The following ALCAM variants were observed in gnomAD, a reference collection of about 807,000 sequenced individuals.
ALCAM encodes activated leukocyte cell adhesion molecule.
A neutral mutation model predicts 70.9 loss-of-function variants in ALCAM; 30 were observed. The observed-to-expected ratio is 0.42, with a 90% confidence interval of 0.32 to 0.57. ALCAM has a LOEUF of 0.57. Among genes scored for constraint, ALCAM ranks in the 20% least tolerant of loss-of-function variants. The pLI is 0.11. For synonymous variants in ALCAM, 249 were observed against 242.5 expected (o/e 1.03, Z -0.25); for missense variants, 591 against 695.1 (o/e 0.85, Z 1.68).
At chr3:105,528,886 G>A (rs538838393) in intron 3 of ALCAM, among the ~76,000 whole-genome samples, 78 of 152,242 alleles carry the variant, frequency 5.1e-4, no homozygotes, top group South Asian at 4.3e-3. Flanking sequence ...TAAAACAAAA[G>A]TATTACAAAC....
intron 1 of ALCAM, among the ~76,000 whole-genome samples, chr3:105,403,370 G>A (rs12638646): frequency 0.26 from 39,973 of 152,022 alleles, 5,484 homozygotes; most frequent in East Asian, 0.5. Context: ...TACCTTCACC[G>A]GAGCAGGCTG....
intron 1 of ALCAM, among the ~76,000 whole-genome samples, chr3:105,382,254 A>G (rs989397555): frequency 5.9e-5 from 9 of 151,866 alleles, no homozygotes; most frequent in Non-Finnish European, 8.8e-5. Context: ...CCATGTCCCT[A>G]CAAAGGACAT....
At position 105,467,898 on chromosome 3, in the gene ALCAM, A is replaced by G. The variant is rs551459773; in HGVS notation, c.74-52169A>G. Among the ~76,000 whole-genome samples, 3 of 151,100 alleles carry G rather than the reference A, an allele frequency of 2.0e-5. No individual in the cohort carries two copies. The South Asian group carries it at 6.2e-4, about 31-fold the overall frequency. ...AAGCACTTATAAAACTTCTTTCCTC[A>G]TTTTTCATTTCTCATGTTCAGTATT... On this transcript the variant is annotated intron_variant, in intron 1 of 15. Transcript: ENST00000306107.
At chr3:105,510,504 CT>C (rs1259455915) in intron 1 of ALCAM, among the ~76,000 whole-genome samples, 2 of 152,014 alleles carry the variant, frequency 1.3e-5, no homozygotes, top group Non-Finnish European at 2.9e-5. Context: ...TTCACAGAGA[CT>C]TTTTTCCCTA....
At chr3:105,563,756 C>T (rs2152634687) in intron 14 of ALCAM, among the ~76,000 whole-genome samples, 3 of 133,646 alleles carry the variant, frequency 2.2e-5, no homozygotes, top group Admixed American at 8.4e-5. Flanking sequence ...GGCGCAATCT[C>T]GGCTCACTGC....
At chr3:105,371,470 CTTAA>C (rs879380969) in intron 1 of ALCAM, among the ~76,000 whole-genome samples, 2 of 150,834 alleles carry the variant, frequency 1.3e-5, no homozygotes, top group South Asian at 2.1e-4. Flanking sequence ...ATTTATTCCA[CTTAA>C]TTATCACTTT....
In ALCAM at chr3:105,454,731, C is replaced by A. The variant is rs561673505; in HGVS notation, c.74-65336C>A. 4.8e-5 allele frequency among the ~76,000 whole-genome samples: 6 copies of A among 125,098 alleles called. No individual in the cohort carries two copies. The South Asian group carries it at 1.6e-3, about 33-fold the overall frequency. The allele number at this position is 125,098 out of a possible 152,430, so 82.1% of individuals were successfully genotyped here. A position where few individuals can be genotyped will look rare whatever the true frequency, so the allele number is the denominator to read the frequency against. ...GTCCCCAGGCTGGAGTGCAGTGGCG[C>A]GATCTCCGATCACTGCAACCTCTAC... is the stretch of plus-strand genomic sequence containing the variant. On this transcript the variant is annotated intron_variant, in intron 1 of 15. Transcript: ENST00000306107.
chr3:105,369,464 G>A (rs911252738), intron 1 of ALCAM, among the ~76,000 whole-genome samples: 10 of 152,148 alleles, frequency 6.6e-5, no homozygotes, highest in African/African-American at 2.4e-4. Context: ...TCAGATCCGT[G>A]GTTTCGGTGA....
intron 1 of ALCAM, among the ~76,000 whole-genome samples, chr3:105,412,764 C>T (rs1936421442): frequency 6.6e-6 from 1 of 151,934 alleles, no homozygotes; most frequent in South Asian, 2.1e-4. Context: ...TTGGAAAATA[C>T]TTGGAATATG....
intron 14 of ALCAM, among the ~76,000 whole-genome samples, chr3:105,559,248 A>C (rs576969970): frequency 8.1e-5 from 12 of 147,860 alleles, no homozygotes; most frequent in Non-Finnish European, 3.0e-5. Flanking sequence ...TACGTATAAC[A>C]TATATATACA....
At chr3:105,564,597 G>A (rs1447363660) in intron 14 of ALCAM, among the ~76,000 whole-genome samples, 1 of 152,042 alleles carries the variant, frequency 6.6e-6, no homozygotes. Context: ...TTTTAATTTT[G>A]TTTGCTAATT....
At chr3:105,420,757 A>G (rs919694178) in intron 1 of ALCAM, among the ~76,000 whole-genome samples, 3 of 151,598 alleles carry the variant, frequency 2.0e-5, no homozygotes, top group African/African-American at 4.8e-5. Flanking sequence ...GATGACAGGC[A>G]TATTTACACC....
chr3:105,545,556 G>A (rs1442346534), intron 9 of ALCAM, among the ~76,000 whole-genome samples: 1 of 151,220 alleles, frequency 6.6e-6, no homozygotes, highest in East Asian at 1.9e-4. Flanking sequence ...TTAGTTTGGG[G>A]TGTTATGTCA....
intron 1 of ALCAM, among the ~76,000 whole-genome samples, chr3:105,453,374 G>C (rs1480394125): frequency 3.3e-5 from 5 of 152,168 alleles, no homozygotes; most frequent in Non-Finnish European, 1.5e-5. Context: ...TTGAAGATTA[G>C]ATGGTTGTAG....
intron 4 of ALCAM, 97 bp from the exon 5 acceptor site, chr3:105,533,506 C>T: frequency 1.0e-6 from 1 of 961,304 alleles, no homozygotes; most frequent in Non-Finnish European, 1.6e-6. Flanking sequence ...GGTCAAGAAA[C>T]CCTTGGAATA....
Position 105,367,442 on chromosome 3 carries a change from C to T in ALCAM, c.34C>T (p.Leu12Phe), listed in dbSNP as rs1559766599. ...CAAGGGGGCCAGTTCCTGCCGTCTG[C>T]TCTTCTGCCTCTTGATCTCCGCCAC... ...ESKGASSCRLLFCLLISATVF... is the reference protein window; with the variant it reads ...ESKGASSCRLFFCLLISATVF... Residue 12 changes from leucine to phenylalanine, a missense_variant, in exon 1 of 16, where the codon CTC (leucine) becomes TTC (phenylalanine). Physicochemically the swap from Leu to Phe is conservative, Grantham distance 22. Coordinates refer to ENST00000306107, the MANE Select transcript of ALCAM (RefSeq NM_001627.4). 8 of 1,613,890 alleles carry T rather than the reference C, an allele frequency of 5.0e-6. No individual in the cohort carries two copies. Among genetic ancestry groups the T allele is most frequent in the Non-Finnish European group, 5.9e-6 (7 of 1,179,938 alleles).
Position 105,571,888 on chromosome 3 carries a change from TATGGAAGAAAACA to T in ALCAM, c.1703_1715del (p.Met568LysfsTer3). The T allele has an allele frequency of 6.2e-7, 1 of 1,613,504 alleles. No homozygotes were observed. Among genetic ancestry groups the T allele is most frequent in the Non-Finnish European group, 8.5e-7 (1 of 1,179,626 alleles). On this transcript the variant is annotated frameshift_variant, in exon 15 of 16. Transcript: ENST00000306107. LOFTEE classifies it high-confidence loss of function. ...AACATGTAAACAAGGACCTCGGTAA[TATGGAAGAAAACA>T]AAAAGTTAGAAGAAAACAATCACAA...
chr3:105,375,649 A>G (rs1159471437), intron 1 of ALCAM, among the ~76,000 whole-genome samples: 1 of 152,190 alleles, frequency 6.6e-6, no homozygotes, highest in Non-Finnish European at 1.5e-5. Context: ...GGGGTTATTT[A>G]GGGAAGAACT....
chr3:105,524,776 A>G, intron 3 of ALCAM: 10 of 1,177,956 alleles, frequency 8.5e-6, no homozygotes, highest in Non-Finnish European at 9.5e-6. Context: ...ATGAAGTACT[A>G]CTACTGATAA....
Sources: allele counts gnomAD v4.1 joint callset (sites outside exome capture counted in the v4.1 genomes callset), GRCh38; gene constraint gnomAD v4.1.1; transcripts MANE v1.5; gene names NCBI Gene and HGNC (gene_info 2026-07-23, HGNC 2026-07-21).